SEMA4B: variants seen among roughly 807,000 people sequenced by gnomAD.
SEMA4B encodes the protein semaphorin 4B.
SEMA4B carries 55 observed loss-of-function variants against 88.1 expected under a neutral mutation model. That is an observed-to-expected ratio of 0.62 (90% CI 0.50 to 0.78). The LOEUF (loss-of-function observed/expected upper bound fraction) is 0.78, where lower values mean the gene tolerates loss of function less well. Ranked by LOEUF, SEMA4B falls within the 30% of genes least tolerant of loss-of-function variation. SEMA4B has a pLI of 0.00. For synonymous variants in SEMA4B, 525 were observed against 473.6 expected (o/e 1.11, Z -1.41); for missense variants, 1,062 against 1,111.9 (o/e 0.96, Z 0.64).
rs747671621 is a variant in SEMA4B at position 90,221,612 on chromosome 15, A to G, written c.710-2A>G. On this transcript the variant is annotated splice_acceptor_variant, in intron 6 of 13. Transcript: ENST00000411539. LOFTEE classifies it high-confidence loss of function. ...TCTGAGCTCCTGACCTGGTCCCTACAGACCCAGCTTTTGTGGCCTCAGCCT... is the reference window on the plus strand; with the variant it reads ...TCTGAGCTCCTGACCTGGTCCCTACGGACCCAGCTTTTGTGGCCTCAGCCT... 3.7e-6 allele frequency: 6 copies of G among 1,613,904 alleles called. No individual in the cohort carries two copies. In the African/African-American group the frequency reaches 8.0e-5, roughly 22 times the overall value.
rs1202057861 is a variant in SEMA4B at position 90,221,703 on chromosome 15, A to C, written c.799A>C (p.Thr267Pro). 1.2e-6 allele frequency: 2 copies of C among 1,613,926 alleles called. No homozygotes were observed. Among genetic ancestry groups the C allele is most frequent in the Admixed American group, 1.7e-5 (1 of 60,018 alleles). Residue 267 changes from threonine (T) to proline (P), a missense_variant, in exon 7 of 14, where the codon ACT (threonine) becomes CCT (proline). By Grantham distance (38) the Thr-to-Pro change is conservative. Coordinates refer to ENST00000411539, the MANE Select transcript of SEMA4B (RefSeq NM_198925.4). ...DDKIYFFFSE[T>P]GQEFEFFENT... ...CAAGATCTACTTTTTCTTCAGCGAGACTGGCCAGGAATTTGAGTTCTTTGA... is the reference window on the plus strand; with the variant it reads ...CAAGATCTACTTTTTCTTCAGCGAGCCTGGCCAGGAATTTGAGTTCTTTGA...
At chr15:90,185,127 G>A (rs12901444) in intron 1 of SEMA4B, 59 of 948,878 alleles carry the variant, frequency 6.2e-5, no homozygotes, top group Non-Finnish European at 6.9e-5. Context: ...CTGCCCGGGA[G>A]GTGGCGGACC....
intron 12 of SEMA4B, chr15:90,227,114 G>A: frequency 5.6e-6 from 1 of 179,472 alleles, no homozygotes; most frequent in African/African-American, 2.4e-5. Context: ...TGTGATTACA[G>A]CTCACTGCAG....
chr15:90,206,593 T>C, intron 1 of SEMA4B: 1 of 549,492 alleles, frequency 1.8e-6, no homozygotes, highest in Non-Finnish European at 3.3e-6. Context: ...GCATTGCTGC[T>C]GGAGGGGTAA....
chr15:90,217,834 GC>G lies in SEMA4B; in HGVS notation c.384+8del. 1 of 1,610,506 alleles carries G rather than the reference GC, an allele frequency of 6.2e-7. No homozygotes were observed. Among genetic ancestry groups the G allele is most frequent in the Non-Finnish European group, 8.5e-7 (1 of 1,178,182 alleles). On this transcript the variant is annotated splice_donor_region_variant and intron_variant, in intron 3 of 13. Transcript: ENST00000411539. ...TTCAAGGGCAAGGACCCACAGGTGA[GC>G]CCACACCTGGAAGGGAGCTGAGCTG...
chr15:90,199,207 G>A (rs894677906), upstream of SEMA4B, among the ~76,000 whole-genome samples: 1 of 152,146 alleles, frequency 6.6e-6, no homozygotes, highest in African/African-American at 2.4e-5. Context: ...TCCAGCTGCT[G>A]TGTTGAGAAT....
At chr15:90,193,330 G>C (rs916347108) in intron 1 of SEMA4B, 1 of 152,148 alleles carries the variant, frequency 6.6e-6, no homozygotes. Flanking sequence ...GCACACTAAC[G>C]GAAGAAAGGG....
At chr15:90,226,754 G>A (rs59268697) in intron 12 of SEMA4B, among the ~76,000 whole-genome samples, 4,448 of 152,180 alleles carry the variant, frequency 0.029, 212 homozygotes, top group African/African-American at 0.098. Context: ...GTTTTGGTGC[G>A]TATGCCAGGA....
upstream of SEMA4B, among the ~76,000 whole-genome samples, chr15:90,197,563 G>C (rs963592640): frequency 6.6e-6 from 1 of 151,404 alleles, no homozygotes; most frequent in Non-Finnish European, 1.5e-5. Context: ...TCAGCCTCCC[G>C]AGTAGCTGGG....
At chr15:90,194,681 G>A (rs1470704725) in intron 1 of SEMA4B, among the ~76,000 whole-genome samples, 1 of 152,142 alleles carries the variant, frequency 6.6e-6, no homozygotes, top group Non-Finnish European at 1.5e-5. Flanking sequence ...GATTATAGGT[G>A]TGAGCCACCG....
upstream of SEMA4B, among the ~76,000 whole-genome samples, chr15:90,197,530 C>CG (rs376050028): frequency 0.022 from 3,321 of 151,430 alleles, 112 homozygotes; most frequent in African/African-American, 0.075. Context: ...CTCCGCCTCC[C>CG]GGGTTCACGC....
intron 1 of SEMA4B, among the ~76,000 whole-genome samples, chr15:90,205,084 G>A (rs1214835224): frequency 6.6e-6 from 1 of 152,208 alleles, no homozygotes; most frequent in Non-Finnish European, 1.5e-5. Context: ...CTTAAAGGGA[G>A]TTATTAATTC....
chr15:90,193,870 G>A (rs1175117190), intron 1 of SEMA4B, among the ~76,000 whole-genome samples: 1 of 151,648 alleles, frequency 6.6e-6, no homozygotes, highest in African/African-American at 2.4e-5. Flanking sequence ...GTTGGTCGGG[G>A]GGACGGAGTT....
intron 1 of SEMA4B, among the ~76,000 whole-genome samples, chr15:90,193,844 C>CT (rs751116577): frequency 7.3e-4 from 104 of 143,176 alleles, no homozygotes; most frequent in Middle Eastern, 3.7e-3. Context: ...TCATAATATT[C>CT]TTTTTTTTTT....
rs564758580 is a variant in SEMA4B at position 90,193,943 on chromosome 15, C to T, written c.-121-7515C>T. ...CTTGGCTCACTACAACCTCTGTCTC[C>T]CGGGTTCAAGCGATTCTCCTGCCTC... is the stretch of plus-strand genomic sequence containing the variant. On this transcript the variant is annotated intron_variant, in intron 1 of 14. Coordinates refer to the SEMA4B transcript ENST00000332496. Among the ~76,000 whole-genome samples, 103 of 151,844 alleles carry T rather than the reference C, an allele frequency of 6.8e-4. 4 individuals carry two copies. In the South Asian group the frequency reaches 0.021, roughly 31 times the overall value.
intron 11 of SEMA4B, 69 bp from the exon 12 acceptor site, chr15:90,225,592 G>T: frequency 6.6e-7 from 1 of 1,517,040 alleles, no homozygotes. Context: ...AGGCATACAA[G>T]CCGGGTGGCC....
upstream of SEMA4B, chr15:90,201,315 G>A (rs1960703902): frequency 1.0e-5 from 12 of 1,164,650 alleles, no homozygotes; most frequent in Non-Finnish European, 1.3e-5. Context: ...TCCTCCTTCA[G>A]CCCCGCCCTC....
upstream of SEMA4B, among the ~76,000 whole-genome samples, chr15:90,199,609 G>A (rs1273246763): frequency 6.6e-6 from 1 of 151,966 alleles, no homozygotes; most frequent in Non-Finnish European, 1.5e-5. Context: ...GGTGGATCAC[G>A]AGGTCAGGAG....
chr15:90,197,334 G>A (rs1382909168), upstream of SEMA4B, among the ~76,000 whole-genome samples: 2 of 152,068 alleles, frequency 1.3e-5, no homozygotes, highest in Admixed American at 6.6e-5. Context: ...AGGTTGTAGT[G>A]AGCTGAGATC....
Sources: allele counts gnomAD v4.1 joint callset (sites outside exome capture counted in the v4.1 genomes callset), GRCh38; gene constraint gnomAD v4.1.1; transcripts MANE v1.5; gene names NCBI Gene and HGNC (gene_info 2026-07-23, HGNC 2026-07-21).